The following KDM4B variants were observed in gnomAD, a reference collection of about 807,000 sequenced individuals.
The protein encoded by KDM4B is lysine demethylase 4B.
KDM4B carries 32 observed loss-of-function variants against 125.2 expected under a neutral mutation model. The observed-to-expected ratio is 0.26, with a 90% confidence interval of 0.19 to 0.34. The LOEUF is 0.34. Ranked by LOEUF, KDM4B falls within the 10% of genes least tolerant of loss-of-function variation. The probability of loss-of-function intolerance (pLI) is 1.00; values close to 1 mark genes in which losing one functional copy is unlikely to be tolerated. For missense variants in KDM4B, 1,190 were observed against 1,577.7 expected, an observed-to-expected ratio of 0.75 and a Z score of 4.16; for synonymous variants, 721 against 677.9, an observed-to-expected ratio of 1.06 and a Z score of -0.99.
chr19:5,095,957 C>T (rs370242690), intron 9 of KDM4B, among the ~76,000 whole-genome samples: 5 of 152,356 alleles, frequency 3.3e-5, no homozygotes, highest in South Asian at 4.1e-4. Context: ...AGAGTGTGCG[C>T]CCCACCAAGG....
chr19:5,103,687 C>T (rs952551322), intron 9 of KDM4B, among the ~76,000 whole-genome samples: 7 of 152,226 alleles, frequency 4.6e-5, no homozygotes, highest in Non-Finnish European at 7.3e-5. Context: ...TCTCTCCACC[C>T]CAGGTTTTTC....
At chr19:4,985,720 T>G (rs2034805140) in intron 1 of KDM4B, among the ~76,000 whole-genome samples, 1 of 152,230 alleles carries the variant, frequency 6.6e-6, no homozygotes, top group East Asian at 1.9e-4. Context: ...GCGGATGAGC[T>G]GGTGCTGGAA....
intron 6 of KDM4B, among the ~76,000 whole-genome samples, chr19:5,053,426 G>A (rs890908192): frequency 2.0e-5 from 3 of 152,246 alleles, no homozygotes; most frequent in African/African-American, 7.2e-5. Context: ...AAGCGGTTTA[G>A]AACAGAGAGC....
chr19:5,026,395 G>T (rs1444972587), intron 2 of KDM4B, among the ~76,000 whole-genome samples: 2 of 152,090 alleles, frequency 1.3e-5, no homozygotes, highest in African/African-American at 4.8e-5. Flanking sequence ...ACAGCTCACT[G>T]CGGCCTCAAA....
At chr19:5,068,638 G>A (rs2037851339) in intron 6 of KDM4B, among the ~76,000 whole-genome samples, 1 of 152,244 alleles carries the variant, frequency 6.6e-6, no homozygotes, top group South Asian at 2.1e-4. Flanking sequence ...CCCCGAGGCC[G>A]TCGCTGGGTT....
chr19:5,118,382 G>A lies in KDM4B; in HGVS notation c.1116-1271G>A, dbSNP rs1042830916. Among the ~76,000 whole-genome samples, 20 of 152,224 alleles carry A rather than the reference G, an allele frequency of 1.3e-4. 1 individual carries two copies. The highest frequency in any genetic ancestry group is 1.3e-4 in the Admixed American group (2 of 15,292). On this transcript the variant is annotated intron_variant, in intron 10 of 22. Coordinates refer to ENST00000159111, the MANE Select transcript of KDM4B (RefSeq NM_015015.3). Reference sequence around the variant, plus strand: ...CTTGACGTGGCTGGATCTCAACTGGGGAAGGGGAGAAAGGCCACTGGGGAG... The same window carrying A: ...CTTGACGTGGCTGGATCTCAACTGGAGAAGGGGAGAAAGGCCACTGGGGAG...
rs377652902 is a variant in KDM4B at position 5,046,237 on chromosome 19, T to C, written c.433-1239T>C. 7.5e-4 allele frequency among the ~76,000 whole-genome samples: 114 copies of C among 152,350 alleles called. 1 individual carries two copies. The highest frequency in any genetic ancestry group is 2.2e-3 in the African/African-American group (93 of 41,574). On this transcript the variant is annotated intron_variant, in intron 5 of 22. Coordinates refer to ENST00000159111, the MANE Select transcript of KDM4B (RefSeq NM_015015.3). ...GGGAAGCTTCAGGGCTTCCTTGCCATGTGTTTGCCATGCCTAGCCTATGCA... is the reference window on the plus strand; with the variant it reads ...GGGAAGCTTCAGGGCTTCCTTGCCACGTGTTTGCCATGCCTAGCCTATGCA...
Position 5,053,569 on chromosome 19 carries a change from C to T in KDM4B, c.626+5900C>T, listed in dbSNP as rs56399916. Among the ~76,000 whole-genome samples the T allele has an allele frequency of 2.2e-3, 329 of 152,338 alleles. 3 individuals are homozygous for T. Among genetic ancestry groups the T allele is most frequent in the African/African-American group, 7.4e-3 (309 of 41,576 alleles). On this transcript the variant is annotated intron_variant, in intron 6 of 22. Transcript: ENST00000159111. ...CCCGCCAAGGCCTCAGCACTTCCTC[C>T]CTGGCTCACTGAGACCCGCTGCAGT... is the stretch of plus-strand genomic sequence containing the variant.
intron 7 of KDM4B, among the ~76,000 whole-genome samples, chr19:5,072,738 C>G (rs929376989): frequency 1.3e-5 from 2 of 152,238 alleles, no homozygotes; most frequent in African/African-American, 4.8e-5. Context: ...CACGTTTATT[C>G]TCTCACCGTT....
intron 6 of KDM4B, among the ~76,000 whole-genome samples, chr19:5,048,349 T>G (rs2037099413): frequency 6.6e-6 from 1 of 152,230 alleles, no homozygotes. Flanking sequence ...AGTGTGAGTA[T>G]GCATGCGTGT....
At chr19:5,128,133 G>C (rs1334396037) in intron 11 of KDM4B, among the ~76,000 whole-genome samples, 1 of 151,948 alleles carries the variant, frequency 6.6e-6, no homozygotes, top group East Asian at 1.9e-4. Flanking sequence ...GCCCGGCTCT[G>C]TGTCCCTGGC....
intron 6 of KDM4B, among the ~76,000 whole-genome samples, chr19:5,050,350 G>A (rs548215510): frequency 9.2e-5 from 14 of 152,326 alleles, no homozygotes; most frequent in South Asian, 4.1e-4. Context: ...GAGACTGAGC[G>A]CCTCAAAATC....
intron 2 of KDM4B, 67 bp from the exon 3 acceptor site, chr19:5,032,799 G>A: frequency 6.9e-7 from 1 of 1,446,566 alleles, no homozygotes; most frequent in Non-Finnish European, 9.5e-7. Flanking sequence ...CGTTCTGAGG[G>A]AGGACGGGCT....
At chr19:5,137,397 C>G in intron 16 of KDM4B, 59 bp downstream of exon 16, 2 of 1,457,396 alleles carry the variant, frequency 1.4e-6, no homozygotes, top group Non-Finnish European at 1.9e-6. Context: ...CGGCCCCACT[C>G]CAGTGGGGTG....
chr19:5,027,602 G>A (rs1260096244), intron 2 of KDM4B, among the ~76,000 whole-genome samples: 1 of 146,534 alleles, frequency 6.8e-6, no homozygotes, highest in Non-Finnish European at 1.5e-5. Context: ...GTGCAATGGC[G>A]CAATCTTGGC....
intron 1 of KDM4B, among the ~76,000 whole-genome samples, chr19:4,992,585 C>T (rs2035063879): frequency 6.6e-6 from 1 of 152,048 alleles, no homozygotes; most frequent in South Asian, 2.1e-4. Flanking sequence ...GTAGCTGGGA[C>T]CAGAGGCATG....
chr19:5,117,616 C>T (rs914368094), intron 10 of KDM4B, among the ~76,000 whole-genome samples: 2 of 152,168 alleles, frequency 1.3e-5, no homozygotes, highest in Non-Finnish European at 2.9e-5. Flanking sequence ...TTTGCCTAGC[C>T]CCCTAGTGGA....
At chr19:5,066,085 T>A (rs2037760499) in intron 6 of KDM4B, among the ~76,000 whole-genome samples, 1 of 152,186 alleles carries the variant, frequency 6.6e-6, no homozygotes, top group African/African-American at 2.4e-5. Flanking sequence ...CCAGTCAGAC[T>A]CATGTGTGTC....
intron 7 of KDM4B, 144 bp downstream of exon 7, chr19:5,071,203 T>C (rs967772214): frequency 4.0e-5 from 28 of 702,840 alleles, no homozygotes; most frequent in South Asian, 1.9e-5. Flanking sequence ...GAGCCATTAC[T>C]GTGTGATTTT....
Sources: allele counts gnomAD v4.1 joint callset (sites outside exome capture counted in the v4.1 genomes callset), GRCh38; gene constraint gnomAD v4.1.1; transcripts MANE v1.5; gene names NCBI Gene and HGNC (gene_info 2026-07-23, HGNC 2026-07-21).